GSE1: variants seen among roughly 807,000 people sequenced by gnomAD.
GSE1 encodes the protein Gse1 coiled-coil protein, also known as genetic suppressor element 1.
A neutral mutation model predicts 112.6 loss-of-function variants in GSE1; 32 were observed. The ratio of observed to expected loss-of-function variants is 0.28; its 90% CI spans 0.21 to 0.38. The LOEUF (loss-of-function observed/expected upper bound fraction) is 0.38. Ranked by LOEUF, GSE1 falls within the 10% of genes least tolerant of loss-of-function variation. The pLI is 1.00. For synonymous variants in GSE1, 1,115 were observed against 735.6 expected, an observed-to-expected ratio of 1.52 and a Z score of -8.35; for missense variants, 2,348 against 1,699.2, an observed-to-expected ratio of 1.38 and a Z score of -6.71.
At chr16:85,205,859 T>C (rs764834037) in intron 1 of GSE1, among the ~76,000 whole-genome samples, 12 of 152,214 alleles carry the variant, frequency 7.9e-5, no homozygotes, top group Non-Finnish European at 1.5e-4. Context: ...CATTCATTCA[T>C]CTGGTGCTTC....
At position 85,536,485 on chromosome 16, in the gene GSE1, G is replaced by T. The variant is rs887564710; in HGVS notation, c.2465-97429G>T. ...AGGCGCCTCTGCAGTCCTTGCCTGT[G>T]TGGGCCGCGGGCAGGGCTCGTCTAG... On this transcript the variant is annotated intron_variant, in intron 2 of 2. Transcript: ENST00000637419. Among the ~76,000 whole-genome samples, 9 of 152,372 alleles carry T rather than the reference G, an allele frequency of 5.9e-5. 1 individual carries two copies. The highest frequency in any genetic ancestry group is 1.3e-4 in the Admixed American group (2 of 15,314).
At chr16:85,352,925 G>C (rs1323569933) in intron 1 of GSE1, among the ~76,000 whole-genome samples, 2 of 152,228 alleles carry the variant, frequency 1.3e-5, no homozygotes, top group Admixed American at 6.5e-5. Context: ...GACACACACA[G>C]CTCAGCAGAC....
chr16:85,674,963 C>G lies in GSE1; in HGVS notation c.*2424C>G, dbSNP rs1462039279. 1 of 152,600 alleles carries G rather than the reference C, an allele frequency of 6.6e-6. No homozygotes were observed. Among genetic ancestry groups the G allele is most frequent in the Non-Finnish European group, 1.5e-5 (1 of 68,048 alleles). 9.5% of individuals were successfully genotyped at this position (152,600 alleles called of 1,614,324 possible). ...CAGAATACAAACCAGTAAGGCAACA[C>G]GAATAAACTAAGAAAAAGGTAAGAA... On this transcript the variant is annotated 3_prime_UTR_variant, in exon 16 of 16. Coordinates refer to ENST00000253458, the MANE Select transcript of GSE1 (RefSeq NM_014615.5).
At chr16:85,498,022 C>G (rs2051238562) in intron 2 of GSE1, among the ~76,000 whole-genome samples, 1 of 152,068 alleles carries the variant, frequency 6.6e-6, no homozygotes, top group Non-Finnish European at 1.5e-5. Context: ...CCTGTGTGCT[C>G]CGCAGGAGCA....
intron 1 of GSE1, among the ~76,000 whole-genome samples, chr16:85,252,518 C>T (rs1036900571): frequency 2.0e-5 from 3 of 152,258 alleles, no homozygotes; most frequent in East Asian, 1.9e-4. Context: ...CATCTGCAGG[C>T]GCCAGCACTC....
intron 2 of GSE1, among the ~76,000 whole-genome samples, chr16:85,428,521 G>A (rs1008372322): frequency 2.0e-5 from 3 of 152,222 alleles, no homozygotes; most frequent in Non-Finnish European, 2.9e-5. Context: ...GTGACGTAGC[G>A]CTTGGAACCA....
intron 2 of GSE1, among the ~76,000 whole-genome samples, chr16:85,448,796 G>A (rs1337579850): frequency 2.0e-5 from 3 of 152,236 alleles, no homozygotes; most frequent in East Asian, 1.9e-4. Flanking sequence ...AGAGGCAGGC[G>A]GCAGCTGCTG....
In GSE1 at chr16:85,661,279, G is replaced by A. The variant is rs779733468; in HGVS notation, c.1774G>A (p.Asp592Asn). ...CCTCTGGAACCCCGTGTCCCTGATG[G>A]ACAACACCTTGGAGACGCGGCGGGC... is the stretch of plus-strand genomic sequence containing the variant. ...TALWNPVSLM[D>N]NTLETRRAES... The change falls in exon 9 of 16, where the codon GAC (aspartate) becomes AAC (asparagine). Residue 592 changes from aspartate to asparagine, a missense_variant. By Grantham distance (23) the Asp-to-Asn change is conservative (BLOSUM62 1). Coordinates refer to ENST00000253458, the MANE Select transcript of GSE1 (RefSeq NM_014615.5). 1 of 1,612,804 alleles carries A rather than the reference G, an allele frequency of 6.2e-7. No homozygotes were observed. The highest frequency in any genetic ancestry group is 1.3e-5 in the African/African-American group (1 of 74,918).
intron 2 of GSE1, among the ~76,000 whole-genome samples, chr16:85,464,073 G>C (rs756213166): frequency 3.3e-5 from 5 of 152,134 alleles, no homozygotes; most frequent in Admixed American, 6.5e-5. Context: ...GCCAGCAGCG[G>C]GGGGACGACG....
At position 85,311,386 on chromosome 16, in the gene GSE1, A is replaced by G. The variant is rs2045841759; in HGVS notation, c.2284-46077A>G. Among the ~76,000 whole-genome samples, 1 of 152,228 alleles carries G rather than the reference A, an allele frequency of 6.6e-6. No individual in the cohort carries two copies. Among genetic ancestry groups the G allele is most frequent in the Non-Finnish European group, 1.5e-5 (1 of 68,028 alleles). ...TGCAGTTCTAAACCAGCTCTGGTGC[A>G]GACAGCCCAGGTCAGCAGCAGCATC... is the stretch of plus-strand genomic sequence containing the variant. On this transcript the variant is annotated intron_variant, in intron 1 of 2. Transcript: ENST00000637419. This position sits in a 1 kb window ranked among gnomAD's most constrained non-coding sequence, Gnocchi z 4.2.
chr16:85,325,513 A>G (rs1334600555), intron 1 of GSE1, among the ~76,000 whole-genome samples: 1 of 151,972 alleles, frequency 6.6e-6, no homozygotes, highest in Non-Finnish European at 1.5e-5. Flanking sequence ...GTGCAGTGAC[A>G]CGATCTCAGC....
intron 1 of GSE1, among the ~76,000 whole-genome samples, chr16:85,253,551 G>A (rs1335964190): frequency 6.6e-6 from 1 of 152,194 alleles, no homozygotes; most frequent in African/African-American, 2.4e-5. Flanking sequence ...CAGAGGGATT[G>A]GGAGGCCTCA....
intron 2 of GSE1, among the ~76,000 whole-genome samples, chr16:85,358,063 G>A (rs376563052): frequency 9.3e-4 from 140 of 151,126 alleles, no homozygotes; most frequent in African/African-American, 3.2e-3. Context: ...GCTGGGCCAC[G>A]GGGAACCAGG....
chr16:85,268,240 A>AGGTGG (rs1555549935), intron 1 of GSE1, among the ~76,000 whole-genome samples: 2 of 151,654 alleles, frequency 1.3e-5, no homozygotes, highest in Admixed American at 6.6e-5. Context: ...GTGTGGCACA[A>AGGTGG]GGGTTCTATA....
At chr16:85,447,647 C>A (rs898690267) in intron 2 of GSE1, among the ~76,000 whole-genome samples, 1 of 152,220 alleles carries the variant, frequency 6.6e-6, no homozygotes, top group African/African-American at 2.4e-5. Flanking sequence ...TTCCCACTAA[C>A]CAGATGAGGC....
chr16:85,172,923 G>C (rs114380117), intron 1 of GSE1, among the ~76,000 whole-genome samples: 4 of 152,192 alleles, frequency 2.6e-5, no homozygotes, highest in African/African-American at 9.7e-5. Context: ...CCTCTCCCCC[G>C]ATACGCGGCC....
At chr16:85,669,164 C>T (rs2053125849) in intron 14 of GSE1, among the ~76,000 whole-genome samples, 1 of 152,242 alleles carries the variant, frequency 6.6e-6, no homozygotes. Context: ...TGCACAGGCC[C>T]CTTTGGGGAA....
intron 1 of GSE1, among the ~76,000 whole-genome samples, chr16:85,172,881 C>T (rs1428003842): frequency 6.6e-6 from 1 of 152,238 alleles, no homozygotes; most frequent in Non-Finnish European, 1.5e-5. Context: ...AGTGGCTGCA[C>T]CCGGGAAGTG....
intron 2 of GSE1, among the ~76,000 whole-genome samples, chr16:85,404,028 T>C (rs2048183723): frequency 6.6e-6 from 1 of 152,050 alleles, no homozygotes; most frequent in Non-Finnish European, 1.5e-5. Context: ...TTACGGGGCC[T>C]TTCCTCTGTG....
Sources: allele counts gnomAD v4.1 joint callset (sites outside exome capture counted in the v4.1 genomes callset), GRCh38; gene constraint gnomAD v4.1.1; non-coding constraint Gnocchi (gnomAD v3.1); transcripts MANE v1.5; gene names NCBI Gene and HGNC (gene_info 2026-07-23, HGNC 2026-07-21).